JPH2: variants seen among roughly 807,000 people sequenced by gnomAD.
JPH2 encodes junctophilin-2.
A neutral mutation model predicts 55.9 loss-of-function variants in JPH2; 38 were observed. The observed-to-expected ratio is 0.68, with a 90% CI of 0.52 to 0.89. The LOEUF (loss-of-function observed/expected upper bound fraction) is 0.89. Among genes scored for constraint, JPH2 ranks in the 40% least tolerant of loss-of-function variants. JPH2 has a pLI of 0.00. For synonymous variants in JPH2, 480 were observed against 472.4 expected, an observed-to-expected ratio of 1.02 and a Z score of -0.21; for missense variants, 964 against 1,037.6, an observed-to-expected ratio of 0.93 and a Z score of 0.97.
At chr20:44,164,088 G>A (rs2072636535) in intron 1 of JPH2, among the ~76,000 whole-genome samples, 1 of 152,260 alleles carries the variant, frequency 6.6e-6, no homozygotes. Context: ...AAGTCACACA[G>A]TGAGAAAGGA....
chr20:44,118,814 TTAGA>T (rs1467346233), intron 2 of JPH2, among the ~76,000 whole-genome samples, 191 bp from the exon 3 acceptor site: 3 of 152,258 alleles, frequency 2.0e-5, no homozygotes, highest in Admixed American at 6.5e-5. Flanking sequence ...TTCTGAGCAC[TTAGA>T]TAGACTACCT....
chr20:44,187,137 T>C lies in JPH2; in HGVS notation c.-432A>G. 1 of 188,006 alleles carries C rather than the reference T, an allele frequency of 5.3e-6. No individual in the cohort carries two copies. The allele number at this position is 188,006 out of a possible 1,614,324, so 11.6% of individuals were successfully genotyped here. A position where few individuals can be genotyped will look rare whatever the true frequency, so the allele number is the denominator to read the frequency against. On this transcript the variant is annotated 5_prime_UTR_variant, in exon 1 of 6. Coordinates refer to ENST00000372980, the MANE Select transcript of JPH2 (RefSeq NM_020433.5). ...TGGCAGCCCCCGCCGGAGGCTGAATTCCCGCAGCCCGCTGGCCCCCTTCTC... is the reference window on the plus strand; with the variant it reads ...TGGCAGCCCCCGCCGGAGGCTGAATCCCCGCAGCCCGCTGGCCCCCTTCTC...
intron 2 of JPH2, among the ~76,000 whole-genome samples, chr20:44,131,577 G>T (rs779452295): frequency 1.3e-4 from 20 of 152,174 alleles, no homozygotes; most frequent in Non-Finnish European, 2.8e-4. Context: ...ATGAGTTAAT[G>T]GCCACAAAGG....
intron 2 of JPH2, among the ~76,000 whole-genome samples, chr20:44,145,635 C>T (rs898079415): frequency 6.6e-6 from 1 of 151,834 alleles, no homozygotes; most frequent in Non-Finnish European, 1.5e-5. Context: ...GCTGGCAACA[C>T]TCTGGAGCTA....
At chr20:44,186,195 A>G in intron 1 of JPH2, 132 bp downstream of exon 1, 1 of 1,063,654 alleles carries the variant, frequency 9.4e-7, no homozygotes, top group Non-Finnish European at 1.4e-6. Flanking sequence ...AGCTTGCCCA[A>G]AACCACACAG....
At chr20:44,134,648 TTTATTATAA>T (rs1256925078) in intron 2 of JPH2, among the ~76,000 whole-genome samples, 2 of 47,894 alleles carry the variant, frequency 4.2e-5, no homozygotes, top group South Asian at 8.1e-4. Flanking sequence ...TATATAAATA[TTTATTATAA>T]ATATATATAA....
intron 1 of JPH2, among the ~76,000 whole-genome samples, chr20:44,168,993 A>G (rs1230996488): frequency 6.6e-6 from 1 of 151,060 alleles, no homozygotes; most frequent in Non-Finnish European, 1.5e-5. Flanking sequence ...TTTCACTCTC[A>G]CTCTTGCTTC....
chr20:44,160,598 G>A lies in JPH2; in HGVS notation c.380-191C>T, dbSNP rs2072603892. The stretch of plus-strand genomic sequence containing the variant: ...CGAGTGTGCAATAACACGAGTGGGT[G>A]AGCCAGGAGGAGCTTGCACGATGGT... On this transcript the variant is annotated intron_variant, in intron 1 of 5. Coordinates refer to ENST00000372980, the MANE Select transcript of JPH2 (RefSeq NM_020433.5). This position sits in a 1 kb window ranked among gnomAD's most constrained non-coding sequence, Gnocchi z 4.9. 6.6e-6 allele frequency among the ~76,000 whole-genome samples: 1 copy of A among 152,250 alleles called. No individual in the cohort carries two copies. Among genetic ancestry groups the A allele is most frequent in the Middle Eastern group, 3.2e-3 (1 of 316 alleles).
intron 2 of JPH2, among the ~76,000 whole-genome samples, chr20:44,134,863 TA>T (rs1491169625): frequency 8.6e-4 from 32 of 37,404 alleles, no homozygotes; most frequent in African/African-American, 2.8e-3. Flanking sequence ...AATATATATA[TA>T]AATATATATA....
Position 44,108,754 on chromosome 20 carries a change from C to A in JPH2, c.*4764G>T, listed in dbSNP as rs1475168195. 6.6e-6 allele frequency among the ~76,000 whole-genome samples: 1 copy of A among 152,138 alleles called. No homozygotes were observed. Among genetic ancestry groups the A allele is most frequent in the African/African-American group, 2.4e-5 (1 of 41,422 alleles). On this transcript the variant is annotated 3_prime_UTR_variant, in exon 6 of 6. Transcript: ENST00000372980. ...AGGTGCCCTGGCATCTGTTGCCGTA[C>A]ATGAGGGTCTCACCTGCAGTTGGTC...
Position 44,133,940 on chromosome 20 carries a change from T to A in JPH2, c.1170-15317A>T, listed in dbSNP as rs1470961609. 7.9e-5 allele frequency among the ~76,000 whole-genome samples: 3 copies of A among 37,932 alleles called. 1 individual carries two copies. Among genetic ancestry groups the A allele is most frequent in the Non-Finnish European group, 1.3e-4 (3 of 22,956 alleles). The allele number at this position is 37,932 out of a possible 152,430, so 24.9% of individuals were successfully genotyped here. On this transcript the variant is annotated intron_variant, in intron 2 of 5. Transcript: ENST00000372980. ...TTATAATATATAAATATATATTTAT[T>A]ATAAATATATATAAATAAATATATA...
chr20:44,116,675 C>G (rs2072195419), intron 3 of JPH2, among the ~76,000 whole-genome samples: 2 of 152,236 alleles, frequency 1.3e-5, no homozygotes, highest in Non-Finnish European at 2.9e-5. Flanking sequence ...GGACTAGCAC[C>G]CAGCAGTCTG....
At chr20:44,180,339 T>A (rs558782928) in intron 1 of JPH2, among the ~76,000 whole-genome samples, 46 of 150,544 alleles carry the variant, frequency 3.1e-4, no homozygotes, top group African/African-American at 8.7e-4. Context: ...ATATTTATTT[T>A]ATTTTTTTTT....
In JPH2 at chr20:44,118,453, G is replaced by T; in HGVS notation, c.1288+52C>A. 2.1e-6 allele frequency: 3 copies of T among 1,398,920 alleles called. No homozygotes were observed. The South Asian group carries it at 3.5e-5, about 16-fold the overall frequency. The allele number at this position is 1,398,920 out of a possible 1,614,324, so 86.7% of individuals were successfully genotyped here. ...CAGATTCCAGTAAGCAAAGAAAAGC[G>T]CCCACCCTAGGGATAGCCCTACCCT... On this transcript the variant is annotated intron_variant, in intron 3 of 5. Coordinates refer to ENST00000372980, the MANE Select transcript of JPH2 (RefSeq NM_020433.5).
Position 44,187,114 on chromosome 20 carries a change from G to A in JPH2, c.-409C>T, listed in dbSNP as rs1048911882. The A allele has an allele frequency of 1.6e-5, 3 of 182,964 alleles. No homozygotes were observed. Among genetic ancestry groups the A allele is most frequent in the Non-Finnish European group, 3.4e-5 (3 of 88,144 alleles). The allele number at this position is 182,964 out of a possible 1,614,324, so 11.3% of individuals were successfully genotyped here. A position where few individuals can be genotyped will look rare whatever the true frequency, so the allele number is the denominator to read the frequency against. ...CAAAGAGGGGAAATTCCCCTCGGTG[G>A]CAGCCCCCGCCGGAGGCTGAATTCC... On this transcript the variant is annotated 5_prime_UTR_variant, in exon 1 of 6. Coordinates refer to ENST00000372980, the MANE Select transcript of JPH2 (RefSeq NM_020433.5).
At chr20:44,120,622 G>A (rs779507612) in intron 2 of JPH2, among the ~76,000 whole-genome samples, 6 of 152,150 alleles carry the variant, frequency 3.9e-5, no homozygotes, top group Non-Finnish European at 8.8e-5. Context: ...TTTGAACCCA[G>A]GCAACGTAAC....
chr20:44,147,754 GAA>G (rs1303962197), intron 2 of JPH2, among the ~76,000 whole-genome samples: 3 of 152,216 alleles, frequency 2.0e-5, no homozygotes, highest in Non-Finnish European at 4.4e-5. Flanking sequence ...AAAGGAAAGA[GAA>G]AGAAACTCAC....
At position 44,116,055 on chromosome 20, in the gene JPH2, G is replaced by A. The variant is rs1435573432; in HGVS notation, c.1620C>T (p.Thr540=). 7 of 1,561,440 alleles carry A rather than the reference G, an allele frequency of 4.5e-6. No individual in the cohort carries two copies. In the South Asian group the frequency reaches 4.6e-5, roughly 10 times the overall value. ...AGRRSPARPA[T]ERMAIEALQA... is the part of the protein sequence containing the mutation. ...GCAGAGCCTCGATGGCCATGCGCTCGGTGGCTGGACGCGCGGGGCTGCGGC... is the reference window on the plus strand; with the variant it reads ...GCAGAGCCTCGATGGCCATGCGCTCAGTGGCTGGACGCGCGGGGCTGCGGC... The change falls in exon 4 of 6, where the codon ACC becomes ACT. Residue 540 remains threonine (T), a synonymous_variant. Transcript: ENST00000372980.
rs772424590 is a variant in JPH2 at position 44,169,262 on chromosome 20, C to T, written c.380-8855G>A. 5.3e-5 allele frequency among the ~76,000 whole-genome samples: 8 copies of T among 151,342 alleles called. No individual in the cohort carries two copies. In the East Asian group the frequency reaches 5.8e-4, roughly 11 times the overall value. On this transcript the variant is annotated intron_variant, in intron 1 of 5. Coordinates refer to ENST00000372980, the MANE Select transcript of JPH2 (RefSeq NM_020433.5). ...TGTGATCTTGGCTCACTGCAACCAC[C>T]GCCTCCTGGGTTTAAGCAATTCTCC...
Sources: gnomAD v4.1 joint callset for allele counts (sites outside exome capture counted in the v4.1 genomes callset) on GRCh38, gnomAD v4.1.1 for gene constraint, Gnocchi (gnomAD v3.1) non-coding constraint, MANE v1.5 for transcripts, NCBI Gene and HGNC (gene_info 2026-07-23, HGNC 2026-07-21) for gene names.